The following UGT1A6 variants were observed in gnomAD, a reference collection of about 807,000 sequenced individuals.
UGT1A6 encodes the protein UDP-glucuronosyltransferase 1A6.
In UGT1A6, 32 loss-of-function variants were observed where a neutral mutation model predicts 44.4. That is an observed-to-expected ratio of 0.72 (90% CI 0.54 to 0.97). UGT1A6 has a LOEUF of 0.97. Ranked by LOEUF, UGT1A6 falls within the 50% of genes least tolerant of loss-of-function variation. The pLI is 0.00. For synonymous variants in UGT1A6, 238 were observed against 248.5 expected, an observed-to-expected ratio of 0.96 and a Z score of 0.40; for missense variants, 685 against 661.9, an observed-to-expected ratio of 1.03 and a Z score of -0.38.
intron 1 of UGT1A6, among the ~76,000 whole-genome samples, chr2:233,726,762 C>T (rs2077560104): frequency 6.6e-6 from 1 of 152,196 alleles, no homozygotes; most frequent in Non-Finnish European, 1.5e-5. Flanking sequence ...CTACCACAGA[C>T]ACTAAGCTTA....
chr2:233,718,423 G>A (rs1017112190), intron 1 of UGT1A6, among the ~76,000 whole-genome samples: 2 of 152,246 alleles, frequency 1.3e-5, no homozygotes. Context: ...CAGAGAACAT[G>A]TGGTTGGGGA....
intron 1 of UGT1A6, among the ~76,000 whole-genome samples, chr2:233,730,578 C>A (rs757044136): frequency 1.3e-5 from 2 of 152,094 alleles, no homozygotes; most frequent in Non-Finnish European, 2.9e-5. Context: ...AGTTCAGTTT[C>A]CAGACAGGGA....
intron 1 of UGT1A6, among the ~76,000 whole-genome samples, chr2:233,751,937 A>C (rs539080816): frequency 5.9e-5 from 9 of 152,318 alleles, no homozygotes; most frequent in African/African-American, 1.9e-4. Context: ...GATTGAAGTT[A>C]TACTGAAAGG....
At chr2:233,764,892 GC>G (rs759147783) in intron 1 of UGT1A6, among the ~76,000 whole-genome samples, 77 of 150,328 alleles carry the variant, frequency 5.1e-4, no homozygotes, top group Non-Finnish European at 1.0e-3. Context: ...CAAAGACAAA[GC>G]CCTTAAGAGC....
chr2:233,716,991 C>T (rs976570789), intron 1 of UGT1A6, among the ~76,000 whole-genome samples: 2 of 152,184 alleles, frequency 1.3e-5, no homozygotes, highest in African/African-American at 2.4e-5. Flanking sequence ...TCCTGCTGTC[C>T]TCAGGGCCCC....
intron 1 of UGT1A6, chr2:233,719,094 G>C (rs376370143): frequency 8.7e-6 from 14 of 1,614,082 alleles, no homozygotes; most frequent in Admixed American, 1.7e-5. Flanking sequence ...ATTTGATCGC[G>C]TTACGCTGGG....
intron 1 of UGT1A6, chr2:233,760,357 G>T: frequency 6.2e-7 from 1 of 1,614,100 alleles, no homozygotes; most frequent in South Asian, 1.1e-5. Flanking sequence ...GGGCCCAGTG[G>T]TGTCCCATGC....
At chr2:233,755,243 T>G (rs1026667908) in intron 1 of UGT1A6, 19 of 851,916 alleles carry the variant, frequency 2.2e-5, no homozygotes, top group African/African-American at 5.1e-5. Flanking sequence ...ACCGGGGTAC[T>G]CCCAGCACCT....
At chr2:233,710,916 A>G (rs1261394935) in intron 1 of UGT1A6, among the ~76,000 whole-genome samples, 1 of 152,218 alleles carries the variant, frequency 6.6e-6, no homozygotes, top group Non-Finnish European at 1.5e-5. Flanking sequence ...AGGTCTTTAG[A>G]CCACTTAGTC....
At chr2:233,729,385 G>C (rs1328190991) in intron 1 of UGT1A6, 1 of 1,613,836 alleles carries the variant, frequency 6.2e-7, no homozygotes, top group Admixed American at 1.7e-5. Flanking sequence ...GTGGACCCAG[G>C]ATGAATTTGA....
Position 233,743,652 on chromosome 2 carries a change from A to ACTCGAAGGGGTC in UGT1A6, c.862-23372_862-23361dup, listed in dbSNP as rs1188916157. On this transcript the variant is annotated intron_variant, in intron 1 of 4. Transcript: ENST00000305139. The stretch of plus-strand genomic sequence containing the variant: ...GCTGGGTCGCGGAAGCTGAAGACGT[A>ACTCGAAGGGGTC]CTCGAAGGGGTCCTCGAAGGGCCTG... 5.9e-6 allele frequency: 8 copies of ACTCGAAGGGGTC among 1,367,190 alleles called. No homozygotes were observed. The South Asian group carries it at 9.1e-5, about 16-fold the overall frequency. The allele number at this position is 1,367,190 out of a possible 1,614,324, so 84.7% of individuals were successfully genotyped here. A position where few individuals can be genotyped will look rare whatever the true frequency, so the allele number is the denominator to read the frequency against.
rs1042710 is a variant in UGT1A6 at position 233,772,562 on chromosome 2, A to G, written c.*3A>G. The G allele has an allele frequency of 6.2e-7, 1 of 1,613,458 alleles. No homozygotes were observed. The highest frequency in any genetic ancestry group is 8.5e-7 in the Non-Finnish European group (1 of 1,179,694). On this transcript the variant is annotated 3_prime_UTR_variant, in exon 5 of 5. Transcript: ENST00000305139. ...CCCACAAATCCAAGACCCATTGAGA[A>G]GTGGGTGGGAAATAAGGTAAAATTT...
chr2:233,692,981 G>A lies in UGT1A6; in HGVS notation c.-24G>A, dbSNP rs746849497. 62 of 1,613,094 alleles carry A rather than the reference G, an allele frequency of 3.8e-5. No individual in the cohort carries two copies. The South Asian group carries it at 4.8e-4, about 13-fold the overall frequency. ...TGGAGAGTGAAAACTCTTTATTACC[G>A]TTGTTACTTTAACTCTTTCCAGGAT... On this transcript the variant is annotated 5_prime_UTR_variant, in exon 1 of 5. Coordinates refer to ENST00000305139, the MANE Select transcript of UGT1A6 (RefSeq NM_001072.4).
intron 2 of UGT1A6, among the ~76,000 whole-genome samples, chr2:233,767,590 G>T (rs1451772167): frequency 6.6e-6 from 1 of 152,126 alleles, no homozygotes; most frequent in Middle Eastern, 3.2e-3. Context: ...CCCTTAAAGT[G>T]CAGGAAAGTG....
At position 233,728,920 on chromosome 2, in the gene UGT1A6, G is replaced by C. The variant is rs45496293; in HGVS notation, c.861+35055G>C. Among the ~76,000 whole-genome samples the C allele has an allele frequency of 4.5e-3, 686 of 151,868 alleles. 5 individuals carry two copies. Among genetic ancestry groups the C allele is most frequent in the African/African-American group, 0.016 (647 of 41,130 alleles). Reference sequence around the variant, plus strand: ...AGGGTCAGACGTGTTTTTCAAGATAGTCATGATCGGTCTTTTCCAGGGTGG... The same window carrying C: ...AGGGTCAGACGTGTTTTTCAAGATACTCATGATCGGTCTTTTCCAGGGTGG... On this transcript the variant is annotated intron_variant, in intron 1 of 4. Transcript: ENST00000305139.
intron 1 of UGT1A6, among the ~76,000 whole-genome samples, chr2:233,736,744 G>A (rs1355723073): frequency 6.6e-6 from 1 of 152,214 alleles, no homozygotes; most frequent in Non-Finnish European, 1.5e-5. Context: ...GTTCCTTTCT[G>A]TTTGTTAGTT....
rs1697406226 is a variant in UGT1A6, at chr2:233,760,332, G to C, written c.862-6702G>C. On this transcript the variant is annotated intron_variant, in intron 1 of 4. Coordinates refer to ENST00000305139, the MANE Select transcript of UGT1A6 (RefSeq NM_001072.4). Reference sequence around the variant, plus strand: ...GCGGACGCCCACTTGTCCTGGGCCTGCTGCTGTGTGTGCTGGGCCCAGTGG... The same window carrying C: ...GCGGACGCCCACTTGTCCTGGGCCTCCTGCTGTGTGTGCTGGGCCCAGTGG... 6.2e-7 allele frequency: 1 copy of C among 1,613,946 alleles called. No homozygotes were observed. Among genetic ancestry groups the C allele is most frequent in the African/African-American group, 1.3e-5 (1 of 74,948 alleles).
intron 1 of UGT1A6, chr2:233,719,341 G>A (rs188312736): frequency 1.2e-6 from 2 of 1,613,900 alleles, no homozygotes; most frequent in Non-Finnish European, 1.7e-6. Context: ...TTTTTTTGGA[G>A]GTACATTCCA....
At chr2:233,760,232 C>CTA (rs1697356426) in intron 1 of UGT1A6, 1 of 1,429,076 alleles carries the variant, frequency 7.0e-7, no homozygotes, top group Non-Finnish European at 9.5e-7. Flanking sequence ...TTGGTTTTTG[C>CTA]CATATATATA....
Sources: gnomAD v4.1 joint callset for allele counts (sites outside exome capture counted in the v4.1 genomes callset) on GRCh38, gnomAD v4.1.1 for gene constraint, MANE v1.5 for transcripts, NCBI Gene and HGNC (gene_info 2026-07-23, HGNC 2026-07-21) for gene names.